The following RAPGEF5 variants were observed in gnomAD, a reference collection of about 807,000 sequenced individuals.
The protein encoded by RAPGEF5 is Rap guanine nucleotide exchange factor 5.
Under a neutral mutation model 125.2 loss-of-function variants are expected in RAPGEF5, and 65 were observed. The observed-to-expected ratio is 0.52, with a 90% CI of 0.43 to 0.64. The LOEUF (loss-of-function observed/expected upper bound fraction) is 0.64. Ranked by LOEUF, RAPGEF5 falls within the 30% of genes least tolerant of loss-of-function variation. The probability of loss-of-function intolerance (pLI) is 0.00; values close to 1 mark genes in which losing one functional copy is unlikely to be tolerated. For missense variants in RAPGEF5, 958 were observed against 1,048.1 expected (o/e 0.91, Z 1.19); for synonymous variants, 391 against 385.9 (o/e 1.01, Z -0.16).
intron 1 of RAPGEF5, among the ~76,000 whole-genome samples, chr7:22,338,890 G>A (rs912758041): frequency 4.6e-5 from 7 of 152,198 alleles, no homozygotes. Context: ...ATCAGGTGAG[G>A]ATCAGGCGTT....
chr7:22,197,893 T>TGAG (rs1554327471), intron 9 of RAPGEF5, among the ~76,000 whole-genome samples: 1 of 116,296 alleles, frequency 8.6e-6, no homozygotes, highest in Non-Finnish European at 1.7e-5. Context: ...TCTTTTTTTT[T>TGAG]GGGGGGGGGT....
At chr7:22,183,299 T>G (rs187127594) in intron 11 of RAPGEF5, among the ~76,000 whole-genome samples, 3,216 of 148,018 alleles carry the variant, frequency 0.022, 56 homozygotes, top group Middle Eastern at 0.052. Context: ...AAAAAAAGAT[T>G]TTTATATTTG....
In RAPGEF5 at chr7:22,173,865, C is replaced by T. The variant is rs553620941; in HGVS notation, c.1205-6717G>A. Reference sequence around the variant, plus strand: ...TGTTGTTACATCCCAATCAGCTGCTCTCAGTGTCTAGGTACAATTGCAGCC... The same window carrying T: ...TGTTGTTACATCCCAATCAGCTGCTTTCAGTGTCTAGGTACAATTGCAGCC... On this transcript the variant is annotated intron_variant, in intron 11 of 25. Coordinates refer to ENST00000665637, the MANE Select transcript of RAPGEF5 (RefSeq NM_012294.5). Among the ~76,000 whole-genome samples, 3 of 152,210 alleles carry T rather than the reference C, an allele frequency of 2.0e-5. No individual in the cohort carries two copies. In the South Asian group the frequency reaches 6.2e-4, roughly 32 times the overall value.
At chr7:22,256,237 C>T (rs987098342) in intron 7 of RAPGEF5, among the ~76,000 whole-genome samples, 8 of 152,186 alleles carry the variant, frequency 5.3e-5, no homozygotes, top group Admixed American at 4.6e-4. Flanking sequence ...GACAATCCCT[C>T]GCTGAGACTG....
intron 9 of RAPGEF5, among the ~76,000 whole-genome samples, chr7:22,204,644 T>C (rs951504945): frequency 2.0e-5 from 3 of 152,354 alleles, no homozygotes; most frequent in South Asian, 4.1e-4. Flanking sequence ...TTTTCATGTT[T>C]TGTACATTCC....
intron 7 of RAPGEF5, among the ~76,000 whole-genome samples, chr7:22,241,093 C>A (rs947344722): frequency 1.3e-5 from 2 of 152,210 alleles, no homozygotes; most frequent in Non-Finnish European, 2.9e-5. Flanking sequence ...CTTTTCACAG[C>A]TACTTGATGC....
chr7:22,323,553 T>C (rs1470288964), intron 1 of RAPGEF5, among the ~76,000 whole-genome samples: 1 of 152,210 alleles, frequency 6.6e-6, no homozygotes, highest in East Asian at 1.9e-4. Flanking sequence ...AGAGAAACCT[T>C]TAAAATTTGA....
intron 11 of RAPGEF5, among the ~76,000 whole-genome samples, chr7:22,168,302 C>T (rs1005026823): frequency 6.6e-6 from 1 of 152,182 alleles, no homozygotes; most frequent in Admixed American, 6.5e-5. Flanking sequence ...TTTCATCTCT[C>T]TACCATACAA....
chr7:22,183,968 C>T (rs1261198825), intron 11 of RAPGEF5, among the ~76,000 whole-genome samples: 1 of 152,132 alleles, frequency 6.6e-6, no homozygotes, highest in Non-Finnish European at 1.5e-5. Context: ...CATTTCCTAT[C>T]TTCAGATCCT....
chr7:22,156,802 A>G lies in RAPGEF5; in HGVS notation c.1636+8T>C. 1 of 1,613,838 alleles carries G rather than the reference A, an allele frequency of 6.2e-7. No homozygotes were observed. The highest frequency in any genetic ancestry group is 8.5e-7 in the Non-Finnish European group (1 of 1,179,804). On this transcript the variant is annotated splice_region_variant and intron_variant, in intron 16 of 25. Transcript: ENST00000665637. ...CACCCCCAAACCCTCACTTCAAACCATACTCACTTTCCTCCGTTTCAGTCA... is the reference window on the plus strand; with the variant it reads ...CACCCCCAAACCCTCACTTCAAACCGTACTCACTTTCCTCCGTTTCAGTCA...
intron 7 of RAPGEF5, among the ~76,000 whole-genome samples, chr7:22,232,627 C>T (rs529720328): frequency 1.3e-4 from 20 of 152,250 alleles, no homozygotes; most frequent in South Asian, 1.0e-3. Flanking sequence ...GGCCTGTGTA[C>T]TTTTAAATAT....
At chr7:22,161,188 G>T (rs1303659312) in intron 13 of RAPGEF5, among the ~76,000 whole-genome samples, 1 of 152,164 alleles carries the variant, frequency 6.6e-6, no homozygotes, top group East Asian at 1.9e-4. Flanking sequence ...CAGCCTAGGC[G>T]ACAGAGCGAG....
intron 8 of RAPGEF5, among the ~76,000 whole-genome samples, chr7:22,224,624 CA>C (rs1012904625): frequency 2.0e-5 from 3 of 152,032 alleles, no homozygotes; most frequent in Non-Finnish European, 4.4e-5. Context: ...CCCTCCCATA[CA>C]AAAGACAGCA....
intron 2 of RAPGEF5, among the ~76,000 whole-genome samples, chr7:22,317,469 T>G (rs1283275913): frequency 1.3e-5 from 2 of 151,982 alleles, no homozygotes; most frequent in Admixed American, 6.6e-5. Flanking sequence ...CTCAATCTCC[T>G]GACCTCGTGA....
intron 3 of RAPGEF5, among the ~76,000 whole-genome samples, chr7:22,313,799 A>G (rs1280756394): frequency 1.3e-5 from 2 of 152,242 alleles, no homozygotes. Flanking sequence ...AAAAAGGAGA[A>G]GTCAGATGTT....
intron 12 of RAPGEF5, 29 bp from the exon 13 acceptor site, chr7:22,162,570 G>A: frequency 6.3e-7 from 1 of 1,575,042 alleles, no homozygotes; most frequent in South Asian, 1.1e-5. Flanking sequence ...AAATTATATT[G>A]TTGAAAATTT....
intron 11 of RAPGEF5, among the ~76,000 whole-genome samples, chr7:22,175,708 G>A (rs1583448949): frequency 1.3e-5 from 2 of 152,038 alleles, no homozygotes; most frequent in South Asian, 2.1e-4. Flanking sequence ...TCCATTAAAC[G>A]TTCTTAACTT....
chr7:22,193,542 G>A (rs760116815), intron 10 of RAPGEF5, 87 bp from the exon 11 acceptor site: 2 of 1,552,040 alleles, frequency 1.3e-6, no homozygotes, highest in South Asian at 1.2e-5. Flanking sequence ...CCTCCTCGTC[G>A]ATGTATTTGA....
At chr7:22,214,401 C>G (rs544289759) in intron 9 of RAPGEF5, among the ~76,000 whole-genome samples, 1 of 152,260 alleles carries the variant, frequency 6.6e-6, no homozygotes, top group Admixed American at 6.5e-5. Context: ...TTTACAGATA[C>G]TGCTCATTTC....
Sources: gnomAD v4.1 joint callset for allele counts (sites outside exome capture counted in the v4.1 genomes callset) on GRCh38, gnomAD v4.1.1 for gene constraint, MANE v1.5 for transcripts, NCBI Gene and HGNC (gene_info 2026-07-23, HGNC 2026-07-21) for gene names.